The following PC variants were observed in gnomAD, a reference collection of about 807,000 sequenced individuals.
PC encodes pyruvate carboxylase, mitochondrial.
In PC, 46 loss-of-function variants were observed where a neutral mutation model predicts 107.8. That is an observed-to-expected ratio of 0.43 (90% CI 0.34 to 0.55). The LOEUF (loss-of-function observed/expected upper bound fraction) is 0.55, where lower values mean the gene tolerates loss of function less well. Ranked by LOEUF, PC falls within the 20% of genes least tolerant of loss-of-function variation. PC has a pLI of 0.04. For missense variants in PC, 1,241 were observed against 1,643.1 expected (o/e 0.76, Z 4.23); for synonymous variants, 662 against 684.7 (o/e 0.97, Z 0.52).
intron 3 of PC, among the ~76,000 whole-genome samples, chr11:66,888,879 C>T (rs891026473): frequency 3.3e-5 from 5 of 151,920 alleles, no homozygotes; most frequent in African/African-American, 4.8e-5. Flanking sequence ...TTCGAGACCA[C>T]CCTGACCAAC....
At chr11:66,860,299 T>G in intron 12 of PC, 1 of 1,439,562 alleles carries the variant, frequency 6.9e-7, no homozygotes, top group Non-Finnish European at 9.4e-7. Flanking sequence ...TTATTCTCAG[T>G]ACCTCAGGCT....
intron 3 of PC, among the ~76,000 whole-genome samples, chr11:66,886,819 G>C (rs1350349422): frequency 6.6e-6 from 1 of 152,194 alleles, no homozygotes; most frequent in Non-Finnish European, 1.5e-5. Context: ...CCTGTGTAAA[G>C]AGTTCTGAGC....
chr11:66,857,974 T>C lies in PC; in HGVS notation c.1369-4591A>G. ...CGCAACATGACGGGACTGGTGGACC[T>C]GACACTGTCTCGCAATGCCATCACC... is the stretch of plus-strand genomic sequence containing the variant. On this transcript the variant is annotated intron_variant, in intron 12 of 22. Transcript: ENST00000393960. This position sits in a 1 kb window ranked among gnomAD's most constrained non-coding sequence, Gnocchi z 7.1. 1 of 1,612,518 alleles carries C rather than the reference T, an allele frequency of 6.2e-7. No individual in the cohort carries two copies. The highest frequency in any genetic ancestry group is 8.5e-7 in the Non-Finnish European group (1 of 1,179,938).
chr11:66,955,420 T>C (rs1949536719), intron 1 of PC, among the ~76,000 whole-genome samples: 1 of 152,152 alleles, frequency 6.6e-6, no homozygotes, highest in African/African-American at 2.4e-5. Flanking sequence ...TACTGTGGGC[T>C]ACCAGGGACA....
intron 3 of PC, among the ~76,000 whole-genome samples, chr11:66,922,553 T>TAAA (rs1198835228): frequency 1.8e-4 from 15 of 84,346 alleles, no homozygotes; most frequent in Admixed American, 4.7e-4. Flanking sequence ...GACTTTGTCT[T>TAAA]AAAAAAAAAA....
intron 3 of PC, among the ~76,000 whole-genome samples, chr11:66,948,758 T>C (rs929428085): frequency 1.3e-5 from 2 of 152,058 alleles, no homozygotes; most frequent in African/African-American, 4.8e-5. Flanking sequence ...GAAGATCACC[T>C]GAGCCTAGGA....
chr11:66,947,433 C>T (rs1163741729), intron 3 of PC, among the ~76,000 whole-genome samples: 3 of 151,278 alleles, frequency 2.0e-5, no homozygotes, highest in Non-Finnish European at 4.4e-5. Flanking sequence ...AATACAAAAA[C>T]AAAATTAGCT....
intron 3 of PC, among the ~76,000 whole-genome samples, chr11:66,930,794 GA>G (rs1405327734): frequency 1.4e-5 from 2 of 146,344 alleles, no homozygotes; most frequent in East Asian, 2.0e-4. Flanking sequence ...CCTGAGAGAG[GA>G]AAAAAAACAA....
chr11:66,916,404 G>A (rs1177688491), intron 3 of PC, among the ~76,000 whole-genome samples: 1 of 152,124 alleles, frequency 6.6e-6, no homozygotes, highest in Non-Finnish European at 1.5e-5. Flanking sequence ...AGTTTTGTAT[G>A]TGCAGTCTGT....
intron 3 of PC, among the ~76,000 whole-genome samples, chr11:66,905,905 G>T (rs908393556): frequency 2.6e-5 from 4 of 152,142 alleles, no homozygotes; most frequent in African/African-American, 9.7e-5. Flanking sequence ...CCTGAGAAGA[G>T]CACAGGAGCA....
At chr11:66,876,342 G>A (rs767062072) in intron 3 of PC, among the ~76,000 whole-genome samples, 11 of 152,188 alleles carry the variant, frequency 7.2e-5, no homozygotes, top group South Asian at 2.1e-4. Context: ...AGGGAAAAAC[G>A]GGAACAATGA....
chr11:66,851,726 CGACATGGCTCGGTACCCTCTGG>C lies in PC; in HGVS notation c.1982+42_1982+63del, dbSNP rs1945501010. 3 of 1,553,044 alleles carry C rather than the reference CGACATGGCTCGGTACCCTCTGG, an allele frequency of 1.9e-6. No homozygotes were observed. The South Asian group carries it at 3.3e-5, about 17-fold the overall frequency. On this transcript the variant is annotated intron_variant, in intron 16 of 22. Transcript: ENST00000393960. ...TGACCGTGGAGAACAGAGGCCATCA[CGACATGGCTCGGTACCCTCTGG>C]GCCACACCAGGTAGCGTCTGCCCAC...
At chr11:66,886,035 T>C (rs1292083555) in intron 3 of PC, among the ~76,000 whole-genome samples, 1 of 152,152 alleles carries the variant, frequency 6.6e-6, no homozygotes, top group South Asian at 2.1e-4. Context: ...TTTGGGACTG[T>C]GATCAGCTGG....
At chr11:66,886,540 T>C (rs1056798178) in intron 3 of PC, among the ~76,000 whole-genome samples, 1 of 152,104 alleles carries the variant, frequency 6.6e-6, no homozygotes, top group African/African-American at 2.4e-5. Flanking sequence ...GATGTTCTAA[T>C]GTGGGCAAGA....
chr11:66,870,822 A>G lies in PC; in HGVS notation c.704T>C (p.Val235Ala), dbSNP rs1946697786. 1 of 1,613,594 alleles carries G rather than the reference A, an allele frequency of 6.2e-7. No individual in the cohort carries two copies. The highest frequency in any genetic ancestry group is 1.6e-4 in the Middle Eastern group (1 of 6,062). The change falls in exon 8 of 23, where the codon GTG (valine) becomes GCG (alanine). Residue 235 changes from valine (V) to alanine (A), a missense_variant. Around this residue, in one of 2 missense-constraint regions of PC, gnomAD observed 1,143 missense variants for 1,551.9 expected, o/e 0.74. Transcript: ENST00000393960. This position sits in a 1 kb window ranked among gnomAD's most constrained non-coding sequence, Gnocchi z 6.1. ...CCGTGGCTTCTCGATGAACTTCTCC[A>G]CAAACAGCGCCCCATTCCCAAAGGC... ...LAAFGNGALF[V>A]EKFIEKPRHI...
chr11:66,858,217 G>A lies in PC; in HGVS notation c.1369-4834C>T, dbSNP rs541535711. The A allele has an allele frequency of 1.1e-5, 18 of 1,612,446 alleles. No homozygotes were observed. In the South Asian group the frequency reaches 1.5e-4, roughly 14 times the overall value. On this transcript the variant is annotated intron_variant, in intron 12 of 22. Transcript: ENST00000393960. The surrounding 1 kb of genome is among the most constrained non-coding windows in gnomAD (Gnocchi z 5.9). The stretch of plus-strand genomic sequence containing the variant: ...CTGGACCTGTCCTACAACAACCTCC[G>A]GCAGGTGCCCTGGGCCGGCATCGGC...
At chr11:66,874,061 GT>G in intron 3 of PC, among the ~76,000 whole-genome samples, 1 of 152,206 alleles carries the variant, frequency 6.6e-6, no homozygotes, top group Non-Finnish European at 1.5e-5. Flanking sequence ...CTGGGTTCGA[GT>G]GATTCTCCTG....
intron 3 of PC, among the ~76,000 whole-genome samples, chr11:66,935,385 A>T (rs1948970849): frequency 6.6e-6 from 1 of 152,188 alleles, no homozygotes. Flanking sequence ...GCTGAAGAAA[A>T]CCTTACAGTC....
In PC at chr11:66,848,579, G is replaced by A; in HGVS notation, c.*320C>T. Reference sequence around the variant, plus strand: ...ACTTCCCAGGACCTGGGACATCTTAGATCTCCCCTTCCCCCAGGAGATAGG... The same window carrying A: ...ACTTCCCAGGACCTGGGACATCTTAAATCTCCCCTTCCCCCAGGAGATAGG... On this transcript the variant is annotated 3_prime_UTR_variant, in exon 23 of 23. Coordinates refer to ENST00000393960, the MANE Select transcript of PC (RefSeq NM_001040716.2). 2 of 598,834 alleles carry A rather than the reference G, an allele frequency of 3.3e-6. No homozygotes were observed. The highest frequency in any genetic ancestry group is 2.8e-5 in the East Asian group (1 of 36,224). The allele number at this position is 598,834 out of a possible 1,614,324, so 37.1% of individuals were successfully genotyped here. A position where few individuals can be genotyped will look rare whatever the true frequency, so the allele number is the denominator to read the frequency against.
Sources: gnomAD v4.1 joint callset for allele counts (sites outside exome capture counted in the v4.1 genomes callset) on GRCh38, gnomAD v4.1.1 for gene constraint, gnomAD v4.1.1 regional missense constraint, Gnocchi (gnomAD v3.1) non-coding constraint, MANE v1.5 for transcripts, NCBI Gene and HGNC (gene_info 2026-07-23, HGNC 2026-07-21) for gene names.